The following PPP1R12B variants were observed in gnomAD, a reference collection of about 807,000 sequenced individuals.
PPP1R12B encodes the protein myosin phosphatase target subunit 2.
PPP1R12B carries 76 observed loss-of-function variants against 126.1 expected under a neutral mutation model. The ratio of observed to expected loss-of-function variants is 0.60; its 90% confidence interval spans 0.50 to 0.73. PPP1R12B has a LOEUF of 0.73. PPP1R12B is among the 30% of genes least tolerant of loss of function. PPP1R12B has a pLI of 0.00. For missense variants in PPP1R12B, 1,052 were observed against 1,205.1 expected (o/e 0.87, Z 1.88); for synonymous variants, 356 against 434.7 (o/e 0.82, Z 2.25).
chr1:202,545,375 G>A (rs955049404), intron 18 of PPP1R12B, among the ~76,000 whole-genome samples: 6 of 152,244 alleles, frequency 3.9e-5, no homozygotes, highest in Non-Finnish European at 5.9e-5. Flanking sequence ...CCTACGTAGA[G>A]CTGGGGGAGA....
intron 1 of PPP1R12B, among the ~76,000 whole-genome samples, chr1:202,381,246 C>T (rs1414901833): frequency 6.6e-6 from 1 of 151,738 alleles, no homozygotes; most frequent in Non-Finnish European, 1.5e-5. Flanking sequence ...TCAGTGGGGG[C>T]AAGAGTCCCT....
chr1:202,381,434 G>GTGTGTGTGTATGTA (rs71142528), intron 1 of PPP1R12B, among the ~76,000 whole-genome samples: 2 of 131,128 alleles, frequency 1.5e-5, no homozygotes, highest in African/African-American at 6.0e-5. Flanking sequence ...GTGTGTGTGT[G>GTGTGTGTGTATGTA]TGTATCATCC....
chr1:202,471,207 C>T (rs1210352393), intron 13 of PPP1R12B, among the ~76,000 whole-genome samples: 1 of 152,232 alleles, frequency 6.6e-6, no homozygotes, highest in Non-Finnish European at 1.5e-5. Context: ...ATAACCTGCA[C>T]ACATCATTCT....
chr1:202,431,265 G>A (rs1014961451), intron 7 of PPP1R12B, among the ~76,000 whole-genome samples: 9 of 152,054 alleles, frequency 5.9e-5, no homozygotes, highest in Non-Finnish European at 1.0e-4. Flanking sequence ...TTTTTTCTGT[G>A]TGTTAAGCAG....
intron 1 of PPP1R12B, among the ~76,000 whole-genome samples, chr1:202,350,765 C>T (rs1655805703): frequency 1.3e-5 from 2 of 151,816 alleles, no homozygotes; most frequent in Non-Finnish European, 2.9e-5. Flanking sequence ...GGATTACAGG[C>T]GCCTGCCACC....
At chr1:202,536,660 GT>G (rs1684559884) in intron 18 of PPP1R12B, among the ~76,000 whole-genome samples, 1 of 151,838 alleles carries the variant, frequency 6.6e-6, no homozygotes, top group Admixed American at 6.6e-5. Context: ...TACTTTATAC[GT>G]TTTTAAAATT....
intron 13 of PPP1R12B, among the ~76,000 whole-genome samples, chr1:202,464,980 G>A (rs35224921): frequency 2.6e-5 from 4 of 152,182 alleles, no homozygotes; most frequent in Non-Finnish European, 4.4e-5. Flanking sequence ...AAGGGGCTTC[G>A]TGGAGCCAGA....
chr1:202,465,626 T>C lies in PPP1R12B; in HGVS notation c.1850+16455T>C, dbSNP rs371880648. Among the ~76,000 whole-genome samples the C allele has an allele frequency of 6.6e-5, 10 of 152,320 alleles. No individual in the cohort carries two copies. In the South Asian group the frequency reaches 1.9e-3, roughly 28 times the overall value. On this transcript the variant is annotated intron_variant, in intron 13 of 23. Coordinates refer to ENST00000608999, the MANE Select transcript of PPP1R12B (RefSeq NM_002481.4). ...GAGCCTTGGGCAGGCATATTTCTAT[T>C]TTAAGAAGTATTTTTAAAAATGGAA...
At chr1:202,568,371 A>C (rs1440531040) in intron 22 of PPP1R12B, among the ~76,000 whole-genome samples, 6 of 152,200 alleles carry the variant, frequency 3.9e-5, no homozygotes, top group African/African-American at 1.4e-4. Context: ...CTGTACTCAG[A>C]ATATTATTCT....
At chr1:202,404,420 A>C (rs1666294674) in intron 1 of PPP1R12B, among the ~76,000 whole-genome samples, 1 of 151,856 alleles carries the variant, frequency 6.6e-6, no homozygotes, top group Non-Finnish European at 1.5e-5. Flanking sequence ...TTTGCTTCAG[A>C]TTCTCTTCAT....
chr1:202,360,952 G>A (rs1217383374), intron 1 of PPP1R12B, among the ~76,000 whole-genome samples: 1 of 148,940 alleles, frequency 6.7e-6, no homozygotes, highest in Non-Finnish European at 1.5e-5. Flanking sequence ...AGACAGTGGC[G>A]CGATCTCGGC....
At chr1:202,527,384 C>T (rs928218510) in intron 18 of PPP1R12B, 1 of 152,150 alleles carries the variant, frequency 6.6e-6, no homozygotes, top group Non-Finnish European at 1.5e-5. Context: ...TCTACTTTTT[C>T]CAGCTGCTGC....
At chr1:202,373,101 A>T (rs577861392) in intron 1 of PPP1R12B, among the ~76,000 whole-genome samples, 1 of 151,654 alleles carries the variant, frequency 6.6e-6, no homozygotes, top group African/African-American at 2.4e-5. Flanking sequence ...CGCCTGGCTA[A>T]TTTTTTGTAT....
At chr1:202,443,919 G>C (rs1671930318) in intron 12 of PPP1R12B, among the ~76,000 whole-genome samples, 3 of 152,190 alleles carry the variant, frequency 2.0e-5, no homozygotes, top group Non-Finnish European at 2.9e-5. Flanking sequence ...TGAAGGGACA[G>C]GCTGCCTCTA....
chr1:202,378,685 G>A (rs1405296701), intron 1 of PPP1R12B, among the ~76,000 whole-genome samples: 1 of 151,886 alleles, frequency 6.6e-6, no homozygotes, highest in Non-Finnish European at 1.5e-5. Flanking sequence ...TCACCATGTT[G>A]GCCAGGCTGG....
chr1:202,534,329 C>T (rs1558342803), intron 18 of PPP1R12B, among the ~76,000 whole-genome samples: 1 of 152,130 alleles, frequency 6.6e-6, no homozygotes, highest in African/African-American at 2.4e-5. Flanking sequence ...CTCCAGGGAG[C>T]CCTGTTCCTC....
chr1:202,541,844 C>G (rs1404841266), intron 18 of PPP1R12B, among the ~76,000 whole-genome samples: 1 of 152,158 alleles, frequency 6.6e-6, no homozygotes, highest in Non-Finnish European at 1.5e-5. Context: ...CACCCCTCAT[C>G]CCTGCCTTTT....
At chr1:202,549,324 A>C (rs1204840688) in intron 18 of PPP1R12B, among the ~76,000 whole-genome samples, 2 of 152,002 alleles carry the variant, frequency 1.3e-5, no homozygotes, top group African/African-American at 4.8e-5. Context: ...TGCCAAGAAT[A>C]TCTAGTCAGT....
intron 3 of PPP1R12B, among the ~76,000 whole-genome samples, chr1:202,424,297 A>C (rs1669206926): frequency 6.6e-6 from 1 of 151,462 alleles, no homozygotes; most frequent in Non-Finnish European, 1.5e-5. Context: ...AATCACACAG[A>C]TAATACTTAG....
Sources: allele counts gnomAD v4.1 joint callset (sites outside exome capture counted in the v4.1 genomes callset), GRCh38; gene constraint gnomAD v4.1.1; transcripts MANE v1.5; gene names NCBI Gene and HGNC (gene_info 2026-07-23, HGNC 2026-07-21).